The following AXIN1 variants were observed in gnomAD, a reference collection of about 807,000 sequenced individuals.
The protein encoded by AXIN1 is axin 1, also known as axin-1.
A neutral mutation model predicts 76.4 loss-of-function variants in AXIN1; 30 were observed. The observed-to-expected ratio is 0.39, with a 90% CI of 0.29 to 0.53. AXIN1 has a LOEUF of 0.53. Among genes scored for constraint, AXIN1 ranks in the 20% least tolerant of loss-of-function variants. AXIN1 has a pLI of 0.66. For synonymous variants in AXIN1, 545 were observed against 501.4 expected, an observed-to-expected ratio of 1.09 and a Z score of -1.16; for missense variants, 1,140 against 1,198.8, an observed-to-expected ratio of 0.95 and a Z score of 0.72.
chr16:312,591 C>A (rs2053207909), intron 3 of AXIN1, among the ~76,000 whole-genome samples: 1 of 152,240 alleles, frequency 6.6e-6, no homozygotes, highest in South Asian at 2.1e-4. Context: ...AGGACCACGG[C>A]AGGCACTGCT....
intron 7 of AXIN1, among the ~76,000 whole-genome samples, chr16:295,330 G>A (rs924231853): frequency 1.3e-5 from 2 of 151,688 alleles, no homozygotes; most frequent in African/African-American, 2.4e-5. Context: ...GTCTGGTCTC[G>A]AACTCCGGAC....
At chr16:341,276 G>A (rs1302082467) in intron 2 of AXIN1, among the ~76,000 whole-genome samples, 3 of 152,266 alleles carry the variant, frequency 2.0e-5, no homozygotes, top group Admixed American at 6.5e-5. Context: ...GGAGAGGCGC[G>A]AGCGGGAACC....
chr16:297,605 G>A (rs1237585352), intron 6 of AXIN1, 117 bp downstream of exon 6: 2 of 1,368,044 alleles, frequency 1.5e-6, no homozygotes, highest in African/African-American at 1.5e-5. Flanking sequence ...CAGCAGAGGG[G>A]CCTCCTGCCT....
chr16:330,153 C>A lies in AXIN1; in HGVS notation c.879-15470G>T, dbSNP rs188479105. On this transcript the variant is annotated intron_variant, in intron 2 of 10. Transcript: ENST00000262320. ...ACAGCTCACTGCAGCCTCAACCTCCCGGTCTCAGGTGACCCACCCATCTCA... is the reference window on the plus strand; with the variant it reads ...ACAGCTCACTGCAGCCTCAACCTCCAGGTCTCAGGTGACCCACCCATCTCA... Among the ~76,000 whole-genome samples, 511 of 151,972 alleles carry A rather than the reference C, an allele frequency of 3.4e-3. 2 individuals carry two copies. Among genetic ancestry groups the A allele is most frequent in the African/African-American group, 0.012 (492 of 41,404 alleles).
In AXIN1 at chr16:324,924, C is replaced by G. The variant is rs561081830; in HGVS notation, c.879-10241G>C. ...GCGCCCGGTGCACAGTTCCTAAGGG[C>G]GCAGAACTCCGGGATGAACAAAGGC... On this transcript the variant is annotated intron_variant, in intron 2 of 10. Transcript: ENST00000262320. 6.6e-5 allele frequency among the ~76,000 whole-genome samples: 10 copies of G among 152,336 alleles called. No individual in the cohort carries two copies. In the South Asian group the frequency reaches 1.7e-3, roughly 25 times the overall value.
At chr16:306,400 C>A (rs903822563) in intron 4 of AXIN1, among the ~76,000 whole-genome samples, 1 of 152,210 alleles carries the variant, frequency 6.6e-6, no homozygotes, top group East Asian at 1.9e-4. Context: ...AGTGTCTAAG[C>A]CGCGGAGGGA....
rs2052616176 is a variant in AXIN1, at chr16:293,194, GCCCTGCAGCCT to G, written c.2186+283_2186+293del. 3.9e-6 allele frequency: 2 copies of G among 510,030 alleles called. No individual in the cohort carries two copies. Among genetic ancestry groups the G allele is most frequent in the Admixed American group, 3.3e-5 (1 of 30,616 alleles). 31.6% of individuals were successfully genotyped at this position (510,030 alleles called of 1,614,324 possible). The stretch of plus-strand genomic sequence containing the variant: ...GGACCGGCGTTCCCCACACACTGGG[GCCCTGCAGCCT>G]CCCTGCAGACTGGGCTCAGGTTGAG... On this transcript the variant is annotated intron_variant, in intron 8 of 10. Coordinates refer to ENST00000262320, the MANE Select transcript of AXIN1 (RefSeq NM_003502.4). This position sits in a 1 kb window ranked among gnomAD's most constrained non-coding sequence, Gnocchi z 4.6.
chr16:336,710 A>G (rs1177674020), intron 2 of AXIN1, among the ~76,000 whole-genome samples: 1 of 150,856 alleles, frequency 6.6e-6, no homozygotes, highest in Non-Finnish European at 1.5e-5. Flanking sequence ...CCAGCTACTC[A>G]GGAAGCTGAG....
Position 346,145 on chromosome 16 carries a change from C to T in AXIN1, c.878+3G>A, listed in dbSNP as rs766657269. On this transcript the variant is annotated splice_donor_region_variant and intron_variant, in intron 2 of 10. Transcript: ENST00000262320. ...GAAAGTGGACGCCTGGCGTCGGACTCACCTGAACTCTCTGCCTTCGCTGTA... is the reference window on the plus strand; with the variant it reads ...GAAAGTGGACGCCTGGCGTCGGACTTACCTGAACTCTCTGCCTTCGCTGTA... 49 of 1,613,318 alleles carry T rather than the reference C, an allele frequency of 3.0e-5. No homozygotes were observed. The highest frequency in any genetic ancestry group is 3.8e-5 in the Non-Finnish European group (45 of 1,179,976).
intron 1 of AXIN1, among the ~76,000 whole-genome samples, chr16:351,609 C>CAAAAAA (rs3073808): frequency 3.4e-4 from 49 of 144,474 alleles, no homozygotes; most frequent in African/African-American, 1.2e-3. Context: ...GACTCCGTCT[C>CAAAAAA]AAAAAAAAAA....
At chr16:351,080 G>A (rs539514454) in intron 1 of AXIN1, among the ~76,000 whole-genome samples, 4 of 149,316 alleles carry the variant, frequency 2.7e-5, no homozygotes, top group Admixed American at 6.8e-5. Context: ...TGCGGTGAGC[G>A]GAGATCACGC....
At chr16:347,867 C>T (rs1288547318) in intron 1 of AXIN1, among the ~76,000 whole-genome samples, 1 of 152,236 alleles carries the variant, frequency 6.6e-6, no homozygotes, top group African/African-American at 2.4e-5. Flanking sequence ...CAGAATGCTG[C>T]ACTTGACTCT....
intron 9 of AXIN1, chr16:290,427 G>T (rs778598390): frequency 1.9e-5 from 3 of 155,346 alleles, no homozygotes; most frequent in Non-Finnish European, 2.8e-5. Context: ...CACATCCTCG[G>T]AGCCTCCTGG....
chr16:327,323 C>A (rs2053605667), intron 2 of AXIN1, among the ~76,000 whole-genome samples: 1 of 152,280 alleles, frequency 6.6e-6, no homozygotes, highest in African/African-American at 2.4e-5. Context: ...TCTGCTCACA[C>A]TGAATGAGCA....
rs2141706127 is a variant in AXIN1 at position 346,711 on chromosome 16, G to T, written c.315C>A (p.Phe105Leu). The change falls in exon 2 of 11, where the codon TTC (phenylalanine) becomes TTA (leucine). Residue 105 changes from phenylalanine to leucine, a missense_variant. Coordinates refer to ENST00000262320, the MANE Select transcript of AXIN1 (RefSeq NM_003502.4). ...AGTCGGCACAGCCCTCCTGCTTCAG[G>T]AAAGTCCTGAACAGGCTTATCCCAT... ...DQDGISLFRT[F>L]LKQEGCADLL... is the part of the protein sequence containing the mutation. 3.2e-6 allele frequency: 5 copies of T among 1,575,874 alleles called. No homozygotes were observed. The highest frequency in any genetic ancestry group is 3.4e-6 in the Non-Finnish European group (4 of 1,160,198).
At chr16:292,599 C>T (rs919996072) in intron 8 of AXIN1, 12 of 152,406 alleles carry the variant, frequency 7.9e-5, no homozygotes, top group Non-Finnish European at 1.5e-4. Flanking sequence ...CTGGTGACCT[C>T]TGAAGGCAAC....
intron 4 of AXIN1, among the ~76,000 whole-genome samples, chr16:305,850 T>C (rs1274957720): frequency 2.0e-5 from 3 of 152,088 alleles, no homozygotes; most frequent in East Asian, 3.9e-4. Flanking sequence ...GGCCCCCCTA[T>C]AGCTTTTTTT....
intron 5 of AXIN1, 49 bp from the exon 6 acceptor site, chr16:298,300 T>G (rs1464624223): frequency 3.8e-5 from 58 of 1,535,950 alleles, no homozygotes; most frequent in Non-Finnish European, 5.0e-5. Context: ...AGCTGCACAC[T>G]TGGGGAAAAC....
intron 2 of AXIN1, among the ~76,000 whole-genome samples, chr16:341,593 C>T (rs954236415): frequency 2.6e-5 from 4 of 152,364 alleles, no homozygotes; most frequent in East Asian, 1.9e-4. Flanking sequence ...GACGAGCGCC[C>T]GGTCCCATTG....
Sources: allele counts gnomAD v4.1 joint callset (sites outside exome capture counted in the v4.1 genomes callset), GRCh38; gene constraint gnomAD v4.1.1; non-coding constraint Gnocchi (gnomAD v3.1); transcripts MANE v1.5; gene names NCBI Gene and HGNC (gene_info 2026-07-23, HGNC 2026-07-21).